ZNF557: variants seen among roughly 807,000 people sequenced by gnomAD.
ZNF557 encodes the protein CTB-25J19.9.
Under a neutral mutation model 21.2 loss-of-function variants are expected in ZNF557, and 19 were observed. The observed-to-expected ratio is 0.90, with a 90% CI of 0.63 to 1.32. The LOEUF (loss-of-function observed/expected upper bound fraction) is 1.32, where lower values mean the gene tolerates loss of function less well. Among genes scored for constraint, ZNF557 ranks in the 40% most tolerant of loss-of-function variants. ZNF557 has a pLI of 0.00. For missense variants in ZNF557, 487 were observed against 519.8 expected (o/e 0.94, Z 0.61); for synonymous variants, 207 against 194.8 (o/e 1.06, Z -0.52).
chr19:7,082,064 A>G lies in ZNF557; in HGVS notation c.426+12A>G. On this transcript the variant is annotated intron_variant, in intron 7 of 7. Coordinates refer to ENST00000252840, the MANE Select transcript of ZNF557 (RefSeq NM_024341.3). ...GAAATATGAAAATGGTAAGACTAAC[A>G]TGGGTGATTCCTGGTTTTTTTCATG... 6.2e-7 allele frequency: 1 copy of G among 1,601,388 alleles called. No homozygotes were observed. The highest frequency in any genetic ancestry group is 8.6e-7 in the Non-Finnish European group (1 of 1,168,802).
At position 7,084,179 on chromosome 19, in the gene ZNF557, G is replaced by A. The variant is rs1029962073; in HGVS notation, c.*435G>A. 5.7e-6 allele frequency: 1 copy of A among 174,090 alleles called. No homozygotes were observed. The highest frequency in any genetic ancestry group is 2.4e-5 in the African/African-American group (1 of 41,578). 10.8% of individuals were successfully genotyped at this position (174,090 alleles called of 1,614,324 possible). A position where few individuals can be genotyped will look rare whatever the true frequency, so the allele number is the denominator to read the frequency against. Reference sequence around the variant, plus strand: ...AAGGAGCCAACACAGAAAGCATAATGTCTTTTATGACCTAGCTTCAGTGAG... The same window carrying A: ...AAGGAGCCAACACAGAAAGCATAATATCTTTTATGACCTAGCTTCAGTGAG... On this transcript the variant is annotated 3_prime_UTR_variant, in exon 8 of 8. Transcript: ENST00000252840.
intron 5 of ZNF557, among the ~76,000 whole-genome samples, chr19:7,080,974 C>T (rs1444202312): frequency 6.6e-6 from 1 of 152,130 alleles, no homozygotes; most frequent in Non-Finnish European, 1.5e-5. Flanking sequence ...AGACATGCCC[C>T]CCACCCTCAT....
chr19:7,075,865 A>T (rs1977578404), intron 4 of ZNF557, 122 bp downstream of exon 4: 1 of 1,496,858 alleles, frequency 6.7e-7, no homozygotes, highest in African/African-American at 1.4e-5. Context: ...AGGGTCTCTG[A>T]GTGAGGGCTG....
chr19:7,075,858 G>A (rs1271219478), intron 4 of ZNF557, 115 bp downstream of exon 4: 2 of 1,510,146 alleles, frequency 1.3e-6, no homozygotes, highest in African/African-American at 2.8e-5. Context: ...GCATCCCAGG[G>A]TCTCTGAGTG....
At chr19:7,074,222 C>T (rs966017680) in intron 2 of ZNF557, among the ~76,000 whole-genome samples, 3 of 151,294 alleles carry the variant, frequency 2.0e-5, no homozygotes, top group Non-Finnish European at 1.5e-5. Context: ...TAGCCAGGAT[C>T]GTCTCGATCT....
chr19:7,080,234 G>A (rs1777483779), intron 5 of ZNF557, among the ~76,000 whole-genome samples: 1 of 151,744 alleles, frequency 6.6e-6, no homozygotes, highest in Non-Finnish European at 1.5e-5. Flanking sequence ...AACCCAGGAG[G>A]TGGAGGTTGC....
At chr19:7,070,068 G>GC (rs926369769) in intron 1 of ZNF557, among the ~76,000 whole-genome samples, 2 of 152,188 alleles carry the variant, frequency 1.3e-5, no homozygotes, top group African/African-American at 4.8e-5. Flanking sequence ...GAGGGTGGAG[G>GC]CCAGGGATGC....
In ZNF557 at chr19:7,083,987, AATC is replaced by A. The variant is rs892614064; in HGVS notation, c.*247_*249del. 5.4e-5 allele frequency: 24 copies of A among 443,814 alleles called. No homozygotes were observed. Among genetic ancestry groups the A allele is most frequent in the African/African-American group, 4.8e-4 (24 of 49,842 alleles). 27.5% of individuals were successfully genotyped at this position (443,814 alleles called of 1,614,324 possible). A position where few individuals can be genotyped will look rare whatever the true frequency, so the allele number is the denominator to read the frequency against. ...ACAGTCCAGATGTCAGCAGAACTGT[AATC>A]ATCCAGAATTGTTACTGGTGAAGGG... On this transcript the variant is annotated 3_prime_UTR_variant, in exon 8 of 8. Transcript: ENST00000252840.
chr19:7,081,156 T>G (rs947413189), intron 5 of ZNF557, among the ~76,000 whole-genome samples: 997 of 20,034 alleles, frequency 0.05, 14 homozygotes, highest in African/African-American at 0.11. Context: ...GTGGGGTGTG[T>G]GTGTGTGTGT....
intron 5 of ZNF557, among the ~76,000 whole-genome samples, chr19:7,078,732 A>G (rs1001376196): frequency 2.0e-5 from 3 of 151,976 alleles, no homozygotes; most frequent in South Asian, 4.2e-4. Flanking sequence ...CACCTTGCCA[A>G]TTTTTCCATA....
rs939427245 is a variant in ZNF557 at position 7,071,695 on chromosome 19, T to A, written c.-80+1042T>A. Among the ~76,000 whole-genome samples, 3 of 143,148 alleles carry A rather than the reference T, an allele frequency of 2.1e-5. No individual in the cohort carries two copies. The Admixed American group carries it at 2.1e-4, about 10-fold the overall frequency. 93.9% of individuals were successfully genotyped at this position (143,148 alleles called of 152,430 possible). A position where few individuals can be genotyped will look rare whatever the true frequency, so the allele number is the denominator to read the frequency against. Reference sequence around the variant, plus strand: ...CCCGTCTGTACTAAAAATATATAAATTAGCTGGGTGTGGTGACTCTCTTGA... The same window carrying A: ...CCCGTCTGTACTAAAAATATATAAAATAGCTGGGTGTGGTGACTCTCTTGA... On this transcript the variant is annotated intron_variant, in intron 2 of 7. Transcript: ENST00000252840.
Position 7,083,365 on chromosome 19 carries a change from C to T in ZNF557, c.914C>T (p.Ser305Leu). The change falls in exon 8 of 8, where the codon TCA becomes TTA. Residue 305 changes from serine to leucine, a missense_variant. Physicochemically the swap from Ser to Leu is moderately radical, Grantham distance 145. Coordinates refer to ENST00000252840, the MANE Select transcript of ZNF557 (RefSeq NM_024341.3). The stretch of plus-strand genomic sequence containing the variant: ...TGTGGAAAGGCTTTCGGCACGAGGT[C>T]ATCTCTTTCTTCGCACTATAGCATT... ...NQCGKAFGTR[S>L]SLSSHYSIHT... is the part of the protein sequence containing the mutation. 1 of 1,614,218 alleles carries T rather than the reference C, an allele frequency of 6.2e-7. No individual in the cohort carries two copies. Among genetic ancestry groups the T allele is most frequent in the African/African-American group, 1.3e-5 (1 of 75,054 alleles).
chr19:7,082,136 C>A, intron 7 of ZNF557, 84 bp downstream of exon 7: 3 of 1,105,160 alleles, frequency 2.7e-6, no homozygotes, highest in Non-Finnish European at 4.0e-6. Context: ...GCCTTGTTGG[C>A]CAGGCACAGT....
chr19:7,077,962 G>A (rs1482592463), intron 5 of ZNF557, among the ~76,000 whole-genome samples: 1 of 151,928 alleles, frequency 6.6e-6, no homozygotes, highest in Non-Finnish European at 1.5e-5. Context: ...TTGAAGAAAT[G>A]TTCATTCAAG....
rs575780973 is a variant in ZNF557, at chr19:7,079,264, T to G, written c.248-2096T>G. Among the ~76,000 whole-genome samples the G allele has an allele frequency of 5.5e-5, 7 of 127,958 alleles. 1 individual carries two copies. The highest frequency in any genetic ancestry group is 1.1e-4 in the Non-Finnish European group (7 of 63,116). 83.9% of individuals were successfully genotyped at this position (127,958 alleles called of 152,430 possible). A position where few individuals can be genotyped will look rare whatever the true frequency, so the allele number is the denominator to read the frequency against. ...TCTTTTTTTTTTTTTTTTTTTGAGA[T>G]GGAGTCTCACTCTGTCACCCAGGCT... On this transcript the variant is annotated intron_variant, in intron 5 of 7. Transcript: ENST00000252840.
At chr19:7,081,136 G>T (rs1599843406) in intron 5 of ZNF557, among the ~76,000 whole-genome samples, 1 of 150,202 alleles carries the variant, frequency 6.7e-6, no homozygotes, top group East Asian at 2.0e-4. Flanking sequence ...AACCACCCTA[G>T]ATATTGCTTG....
chr19:7,075,510 T>TTTCC lies in ZNF557; in HGVS notation c.32-143_32-142insCCTT, dbSNP rs1977566477. 7 of 779,280 alleles carry TTTCC rather than the reference T, an allele frequency of 9.0e-6. 1 individual carries two copies. Among genetic ancestry groups the TTTCC allele is most frequent in the Non-Finnish European group, 1.4e-5 (7 of 492,768 alleles). The allele number at this position is 779,280 out of a possible 1,614,324, so 48.3% of individuals were successfully genotyped here. A position where few individuals can be genotyped will look rare whatever the true frequency, so the allele number is the denominator to read the frequency against. ...TTCCTTGGATTGCTGTGGGTTGGTG[T>TTTCC]TTGCTTGGAGTAGAGGTGGATGCTT... On this transcript the variant is annotated intron_variant, in intron 3 of 7. Transcript: ENST00000252840.
At position 7,082,421 on chromosome 19, in the gene ZNF557, C is replaced by CAAAAA. The variant is rs10641888; in HGVS notation, c.426+384_426+388dup. Among the ~76,000 whole-genome samples the CAAAAA allele has an allele frequency of 3.2e-4, 35 of 108,188 alleles. 4 individuals carry two copies. The highest frequency in any genetic ancestry group is 4.1e-4 in the Non-Finnish European group (23 of 56,058). The allele number at this position is 108,188 out of a possible 152,430, so 71.0% of individuals were successfully genotyped here. A position where few individuals can be genotyped will look rare whatever the true frequency, so the allele number is the denominator to read the frequency against. ...CTGGCGACAGAGCAAGACTCTGTCT[C>CAAAAA]AAAAAAAAAAAAAAAAAAAGTGGCT... On this transcript the variant is annotated intron_variant, in intron 7 of 7. Coordinates refer to ENST00000252840, the MANE Select transcript of ZNF557 (RefSeq NM_024341.3).
At position 7,081,435 on chromosome 19, in the gene ZNF557, T is replaced by G; in HGVS notation, c.323T>G (p.Ile108Ser). The change falls in exon 6 of 8, where the codon ATT becomes AGT. Residue 108 changes from isoleucine (I) to serine (S), a missense_variant. Transcript: ENST00000252840. ...EDKVMTEERG[I>S]LSGTCPDVEN... ...AAAGTGATGACAGAAGAGAGAGGAATTCTCTCAGGTACCTGTCCAGGTGAG... is the reference window on the plus strand; with the variant it reads ...AAAGTGATGACAGAAGAGAGAGGAAGTCTCTCAGGTACCTGTCCAGGTGAG... The G allele has an allele frequency of 6.2e-7, 1 of 1,610,858 alleles. No individual in the cohort carries two copies. Among genetic ancestry groups the G allele is most frequent in the Non-Finnish European group, 8.5e-7 (1 of 1,177,256 alleles).
Sources: allele counts gnomAD v4.1 joint callset (sites outside exome capture counted in the v4.1 genomes callset), GRCh38; gene constraint gnomAD v4.1.1; transcripts MANE v1.5; gene names NCBI Gene and HGNC (gene_info 2026-07-23, HGNC 2026-07-21).